Variants in AOPEP observed in about 807,000 individuals in gnomAD.
AOPEP encodes aminopeptidase O.
A neutral mutation model predicts 98.1 loss-of-function variants in AOPEP; 77 were observed. The observed-to-expected ratio is 0.78, with a 90% CI of 0.65 to 0.95. The LOEUF is 0.95. Ranked by LOEUF, AOPEP falls within the 40% of genes least tolerant of loss-of-function variation. AOPEP has a pLI of 0.00. For missense variants in AOPEP, 1,024 were observed against 1,024.7 expected (o/e 1.00, Z 0.01); for synonymous variants, 346 against 365.3 (o/e 0.95, Z 0.60).
chr9:95,014,621 G>C (rs1589267646), intron 13 of AOPEP, among the ~76,000 whole-genome samples: 1 of 152,120 alleles, frequency 6.6e-6, no homozygotes, highest in African/African-American at 2.4e-5. Context: ...GATTCCATGT[G>C]GTAAGCAGGA....
chr9:94,817,579 A>G (rs368503982), intron 5 of AOPEP, among the ~76,000 whole-genome samples: 39 of 152,240 alleles, frequency 2.6e-4, no homozygotes, highest in African/African-American at 9.4e-4. Context: ...TGAAAATGAG[A>G]AGGCTTTTGA....
intron 9 of AOPEP, among the ~76,000 whole-genome samples, chr9:94,962,202 C>T (rs2058890598): frequency 6.6e-6 from 1 of 152,144 alleles, no homozygotes; most frequent in Admixed American, 6.5e-5. Flanking sequence ...AATATTGTTC[C>T]TCCAATTTAG....
chr9:94,739,232 T>A (rs945400520), intron 1 of AOPEP, among the ~76,000 whole-genome samples: 1 of 152,210 alleles, frequency 6.6e-6, no homozygotes, highest in South Asian at 2.1e-4. Context: ...CTCCCAACTT[T>A]CCTTGTTGTC....
chr9:94,863,443 G>A (rs1038075746), intron 5 of AOPEP, among the ~76,000 whole-genome samples: 10 of 152,092 alleles, frequency 6.6e-5, no homozygotes, highest in Non-Finnish European at 1.3e-4. Context: ...ACCACGCCTG[G>A]CTAATTTTTT....
At chr9:95,005,111 C>T in intron 11 of AOPEP, 47 bp from the exon 12 acceptor site, 3 of 1,012,230 alleles carry the variant, frequency 3.0e-6, no homozygotes, top group South Asian at 4.3e-5. Flanking sequence ...GCAGGGAGGC[C>T]GGGGCCGCTC....
At chr9:94,965,995 A>T (rs1273960715) in intron 9 of AOPEP, among the ~76,000 whole-genome samples, 1 of 149,990 alleles carries the variant, frequency 6.7e-6, no homozygotes, top group Non-Finnish European at 1.5e-5. Context: ...TTCGGTCTGC[A>T]GTTCACTGGG....
At chr9:94,889,708 A>C (rs2048654711) in intron 5 of AOPEP, among the ~76,000 whole-genome samples, 1 of 152,214 alleles carries the variant, frequency 6.6e-6, no homozygotes, top group South Asian at 2.1e-4. Context: ...ATAAATACCC[A>C]AGACAGTTCA....
intron 13 of AOPEP, among the ~76,000 whole-genome samples, chr9:95,018,049 G>GT (rs1435506903): frequency 1.3e-5 from 2 of 152,174 alleles, no homozygotes; most frequent in Admixed American, 6.5e-5. Flanking sequence ...TGTTTGGAAT[G>GT]TTTTTTGCAG....
In AOPEP at chr9:94,917,627, T is replaced by C. The variant is rs1215471203; in HGVS notation, c.1365-6359T>C. ...AAAGCTGGAGCTCCTAGCCTTGGCA[T>C]CGTTGTTTGCTTCCCTGACGTAGCT... is the stretch of plus-strand genomic sequence containing the variant. On this transcript the variant is annotated intron_variant, in intron 5 of 16. Coordinates refer to ENST00000375315, the MANE Select transcript of AOPEP (RefSeq NM_001193329.3). Among the ~76,000 whole-genome samples, 4 of 152,322 alleles carry C rather than the reference T, an allele frequency of 2.6e-5. No individual in the cohort carries two copies. The South Asian group carries it at 8.3e-4, about 32-fold the overall frequency.
chr9:94,923,512 T>A (rs532202192), intron 5 of AOPEP, among the ~76,000 whole-genome samples: 1 of 152,328 alleles, frequency 6.6e-6, no homozygotes, highest in South Asian at 2.1e-4. Flanking sequence ...AATGGAACAT[T>A]TTCTGCTCCA....
intron 5 of AOPEP, among the ~76,000 whole-genome samples, chr9:94,899,381 G>A (rs111519616): frequency 0.052 from 7,725 of 148,752 alleles, 703 homozygotes; most frequent in African/African-American, 0.18. Flanking sequence ...TAGAGACGAG[G>A]TTTCACTGTG....
intron 2 of AOPEP, among the ~76,000 whole-genome samples, chr9:94,766,466 G>A (rs976113587): frequency 1.2e-4 from 19 of 152,252 alleles, no homozygotes; most frequent in African/African-American, 4.3e-4. Flanking sequence ...GAACCCAGGA[G>A]GCGGAGCTTG....
chr9:95,064,751 A>G (rs1373406762), intron 14 of AOPEP, among the ~76,000 whole-genome samples: 2 of 151,940 alleles, frequency 1.3e-5, no homozygotes, highest in Non-Finnish European at 2.9e-5. Flanking sequence ...GAGTCCAGCA[A>G]CACAATCATG....
At chr9:94,931,072 G>A (rs1447243252) in intron 7 of AOPEP, among the ~76,000 whole-genome samples, 1 of 152,126 alleles carries the variant, frequency 6.6e-6, no homozygotes, top group African/African-American at 2.4e-5. Flanking sequence ...TGGGGTAGGG[G>A]CATCTCAGTA....
chr9:94,846,957 G>C (rs1423883059), intron 5 of AOPEP, among the ~76,000 whole-genome samples: 1 of 152,058 alleles, frequency 6.6e-6, no homozygotes, highest in Non-Finnish European at 1.5e-5. Context: ...GGAGCGGATA[G>C]TGGATGATTG....
chr9:94,795,604 A>T (rs1396141495), intron 4 of AOPEP, among the ~76,000 whole-genome samples: 1 of 152,172 alleles, frequency 6.6e-6, no homozygotes, highest in Non-Finnish European at 1.5e-5. Flanking sequence ...AAAGACAGAC[A>T]TTTGTTATTT....
chr9:94,812,741 G>A (rs1223921415), intron 5 of AOPEP, among the ~76,000 whole-genome samples: 1 of 152,128 alleles, frequency 6.6e-6, no homozygotes, highest in Non-Finnish European at 1.5e-5. Flanking sequence ...TTTGGTCAAA[G>A]CTGGTTGAGT....
chr9:94,939,742 G>A (rs545775068), intron 7 of AOPEP, among the ~76,000 whole-genome samples: 1 of 152,126 alleles, frequency 6.6e-6, no homozygotes, highest in Non-Finnish European at 1.5e-5. Context: ...TGTATAAAAG[G>A]TACTCAGTAT....
Position 95,014,693 on chromosome 9 carries a change from C to T in AOPEP, c.2115+9077C>T, listed in dbSNP as rs370266668. Among the ~76,000 whole-genome samples, 24 of 152,274 alleles carry T rather than the reference C, an allele frequency of 1.6e-4. No individual in the cohort carries two copies. The South Asian group carries it at 4.8e-3, about 30-fold the overall frequency. ...GAAGGAAGTGGCGCTTTCTGAAGTA[C>T]CTCATCTAGAAAACTCCATTTCCAT... On this transcript the variant is annotated intron_variant, in intron 13 of 16. Transcript: ENST00000375315.
Sources: allele counts gnomAD v4.1 joint callset (sites outside exome capture counted in the v4.1 genomes callset), GRCh38; gene constraint gnomAD v4.1.1; transcripts MANE v1.5; gene names NCBI Gene and HGNC (gene_info 2026-07-23, HGNC 2026-07-21).